Variants in ASNS observed in about 807,000 individuals in gnomAD.
ASNS encodes asparagine synthetase [glutamine-hydrolyzing].
In ASNS, 37 loss-of-function variants were observed where a neutral mutation model predicts 62.6. The observed-to-expected ratio is 0.59, with a 90% confidence interval of 0.45 to 0.78. The LOEUF is 0.78. Ranked by LOEUF, ASNS falls within the 30% of genes least tolerant of loss-of-function variation. The pLI is 0.00. For missense variants in ASNS, 520 were observed against 682.4 expected, an observed-to-expected ratio of 0.76 and a Z score of 2.65; for synonymous variants, 207 against 237.9, an observed-to-expected ratio of 0.87 and a Z score of 1.19.
At chr7:97,875,408 G>A (rs1438994617), upstream of ASNS, among the ~76,000 whole-genome samples, 2 of 152,152 alleles carry the variant, frequency 1.3e-5, no homozygotes, top group Non-Finnish European at 2.9e-5. Flanking sequence ...CAAAGTTCTG[G>A]GATGACAGGC....
At chr7:97,900,370 A>AC in the ASNS span, among the ~76,000 whole-genome samples, 1 of 150,738 alleles carries the variant, frequency 6.6e-6, no homozygotes, top group Non-Finnish European at 1.5e-5. Flanking sequence ...CAAAAAAAAA[A>AC]AAAAAAAAAA....
chr7:97,876,429 ATTT>A (rs56382958), upstream of ASNS, among the ~76,000 whole-genome samples: 2 of 137,266 alleles, frequency 1.5e-5, no homozygotes. Context: ...ACTCAAACAT[ATTT>A]TTTTTTTTTT....
chr7:97,915,797 G>A, the ASNS span, among the ~76,000 whole-genome samples: 1 of 152,150 alleles, frequency 6.6e-6, no homozygotes, highest in African/African-American at 2.4e-5. Context: ...AGAGGCCAGA[G>A]AGAACAAGTG....
chr7:97,855,205 T>C (rs1791376018), intron 9 of ASNS, 148 bp downstream of exon 9: 29 of 577,216 alleles, frequency 5.0e-5, no homozygotes, highest in South Asian at 3.3e-4. Flanking sequence ...CCCCAAGAGA[T>C]AGAAAGCAAA....
At chr7:97,873,542 A>G (rs1792371063), upstream of ASNS, among the ~76,000 whole-genome samples, 1 of 152,226 alleles carries the variant, frequency 6.6e-6, no homozygotes, top group Non-Finnish European at 1.5e-5. Flanking sequence ...AGTTTTCAGT[A>G]TCAAACAGAC....
At chr7:97,922,227 G>A in the ASNS span, among the ~76,000 whole-genome samples, 4 of 152,162 alleles carry the variant, frequency 2.6e-5, no homozygotes, top group Admixed American at 6.5e-5. Context: ...TTAGTGGAGC[G>A]TGGTGGTGCA....
chr7:97,889,896 G>A, the ASNS span, among the ~76,000 whole-genome samples: 2 of 99,262 alleles, frequency 2.0e-5, no homozygotes, highest in African/African-American at 3.9e-5. Flanking sequence ...AAGAAACTCA[G>A]GGAGATACAA....
the ASNS span, among the ~76,000 whole-genome samples, chr7:97,883,748 G>A: frequency 1.3e-5 from 2 of 152,270 alleles, no homozygotes; most frequent in Non-Finnish European, 2.9e-5. Context: ...AGCACTTTGG[G>A]AGGCCGAGGC....
At chr7:97,865,648 A>G (rs1000319248) in intron 3 of ASNS, among the ~76,000 whole-genome samples, 12 of 152,160 alleles carry the variant, frequency 7.9e-5, no homozygotes, top group African/African-American at 2.9e-4. Context: ...CTGTGTTATA[A>G]GTGTTTCTAC....
Position 97,859,241 on chromosome 7 carries a change from G to C in ASNS, c.645C>G (p.Leu215=). The C allele has an allele frequency of 6.2e-7, 1 of 1,613,574 alleles. No individual in the cohort carries two copies. The highest frequency in any genetic ancestry group is 8.5e-7 in the Non-Finnish European group (1 of 1,179,732). The change falls in exon 5 of 13, where the codon CTC becomes CTG. Residue 215 remains leucine (L), a synonymous_variant. Coordinates refer to ENST00000394308, the MANE Select transcript of ASNS (RefSeq NM_001673.5). ...HHCRDVPLHA[L]YDNVEKLFPG... ...GAAAGAGTTTCTCCACATTGTCATA[G>C]AGGGCGTGCAGGGGTACATCCCGAC...
chr7:97,910,120 C>A, the ASNS span, among the ~76,000 whole-genome samples: 1 of 152,130 alleles, frequency 6.6e-6, no homozygotes, highest in African/African-American at 2.4e-5. Context: ...GACTAGTTCC[C>A]AACCCAGCTC....
At chr7:97,858,776 A>T in intron 6 of ASNS, 78 bp downstream of exon 6, 1 of 1,363,522 alleles carries the variant, frequency 7.3e-7, no homozygotes, top group Non-Finnish European at 1.0e-6. Context: ...ATTTTATAGT[A>T]AAAACCAAAG....
the ASNS span, among the ~76,000 whole-genome samples, chr7:97,912,565 CTTTTT>C: frequency 6.7e-3 from 277 of 41,466 alleles, 1 homozygote; most frequent in Admixed American, 0.01. Flanking sequence ...GTTAACTTTG[CTTTTT>C]TTTTTTTTTT....
chr7:97,924,120 G>A, the ASNS span, among the ~76,000 whole-genome samples: 2 of 152,012 alleles, frequency 1.3e-5, no homozygotes, highest in Non-Finnish European at 2.9e-5. Flanking sequence ...AAAGCCCAGG[G>A]CAACACAGCC....
At chr7:97,910,324 G>T in the ASNS span, among the ~76,000 whole-genome samples, 1 of 152,164 alleles carries the variant, frequency 6.6e-6, no homozygotes, top group Non-Finnish European at 1.5e-5. Context: ...TGGAACTATA[G>T]AAAATAATTT....
At chr7:97,913,195 G>A in the ASNS span, 2 of 152,186 alleles carry the variant, frequency 1.3e-5, no homozygotes, top group Admixed American at 1.3e-4. Context: ...CAGATCTGGT[G>A]GACTTCCAGC....
chr7:97,918,418 CG>C, the ASNS span, among the ~76,000 whole-genome samples: 1,200 of 152,138 alleles, frequency 7.9e-3, 17 homozygotes, highest in African/African-American at 0.028. Context: ...TGGGAAAAGG[CG>C]GAAACCATCC....
intron 1 of ASNS, among the ~76,000 whole-genome samples, chr7:97,870,809 C>A (rs1163978386): frequency 6.6e-6 from 1 of 152,108 alleles, no homozygotes; most frequent in Non-Finnish European, 1.5e-5. Flanking sequence ...CTTAGTGAAT[C>A]CCTGTATTAA....
chr7:97,918,151 C>T, the ASNS span, among the ~76,000 whole-genome samples: 4 of 152,108 alleles, frequency 2.6e-5, no homozygotes, highest in Admixed American at 2.0e-4. Context: ...CCCCAGGACA[C>T]CAGGGTGCAG....
Sources: gnomAD v4.1 joint callset for allele counts (sites outside exome capture counted in the v4.1 genomes callset) on GRCh38, gnomAD v4.1.1 for gene constraint, MANE v1.5 for transcripts, NCBI Gene and HGNC (gene_info 2026-07-23, HGNC 2026-07-21) for gene names.